Variants in TMEM116 observed in about 807,000 individuals in gnomAD.
TMEM116 encodes the protein transmembrane protein 116.
A neutral mutation model predicts 44.3 loss-of-function variants in TMEM116; 38 were observed. That is an observed-to-expected ratio of 0.86 (90% CI 0.66 to 1.12). TMEM116 has a LOEUF of 1.12. Among genes scored for constraint, TMEM116 ranks in the 50% most tolerant of loss-of-function variants. The pLI, the probability that TMEM116 is intolerant of heterozygous loss-of-function variation, is 0.00. For synonymous variants in TMEM116, 132 were observed against 144.8 expected (o/e 0.91, Z 0.64); for missense variants, 354 against 401.7 (o/e 0.88, Z 1.01).
chr12:111,952,534 G>A (rs150588788), intron 4 of TMEM116, among the ~76,000 whole-genome samples: 80 of 152,292 alleles, frequency 5.3e-4, no homozygotes, highest in African/African-American at 1.9e-3. Flanking sequence ...TTGTTCCTGG[G>A]TGTGTCTGTG....
At chr12:111,982,307 T>C (rs2075986029) in intron 4 of TMEM116, among the ~76,000 whole-genome samples, 1 of 150,412 alleles carries the variant, frequency 6.6e-6, no homozygotes, top group African/African-American at 2.4e-5. Flanking sequence ...TGCATACCTT[T>C]TTTTTTTTTT....
intron 4 of TMEM116, among the ~76,000 whole-genome samples, chr12:111,970,586 GTTT>G (rs200011351): frequency 4.5e-5 from 6 of 133,472 alleles, no homozygotes; most frequent in East Asian, 5.4e-4. Context: ...AATCAAATGG[GTTT>G]TTTTTTTTTT....
intron 4 of TMEM116, among the ~76,000 whole-genome samples, chr12:111,982,720 T>C (rs1244035329): frequency 6.6e-6 from 1 of 152,082 alleles, no homozygotes; most frequent in Non-Finnish European, 1.5e-5. Context: ...GCAGGACACA[T>C]ACTCAGAAAA....
chr12:112,002,564 C>CA (rs11318946), intron 3 of TMEM116, among the ~76,000 whole-genome samples: 68 of 107,310 alleles, frequency 6.3e-4, no homozygotes, highest in Middle Eastern at 5.7e-3. Flanking sequence ...GACTCCATCT[C>CA]AAAAAAAAAA....
At chr12:111,974,824 A>C (rs1779005483) in intron 4 of TMEM116, among the ~76,000 whole-genome samples, 1 of 152,098 alleles carries the variant, frequency 6.6e-6, no homozygotes, top group Non-Finnish European at 1.5e-5. Context: ...AGGATACAAG[A>C]CCAATATATA....
chr12:111,983,217 C>T (rs2076043561), intron 4 of TMEM116, among the ~76,000 whole-genome samples: 1 of 152,132 alleles, frequency 6.6e-6, no homozygotes, highest in African/African-American at 2.4e-5. Context: ...AGGCAGATCA[C>T]CTGGGGTCAG....
At chr12:111,978,240 A>G (rs2075771960) in intron 4 of TMEM116, among the ~76,000 whole-genome samples, 1 of 152,040 alleles carries the variant, frequency 6.6e-6, no homozygotes, top group East Asian at 1.9e-4. Flanking sequence ...TCTCTACTAA[A>G]AATACAAAAA....
chr12:111,955,222 TA>T (rs2073993771), intron 4 of TMEM116, among the ~76,000 whole-genome samples: 1 of 152,206 alleles, frequency 6.6e-6, no homozygotes, highest in Non-Finnish European at 1.5e-5. Context: ...GCTGACTCTT[TA>T]CAGTACCCTC....
intron 3 of TMEM116, among the ~76,000 whole-genome samples, chr12:111,997,023 G>A (rs542889084): frequency 1.3e-5 from 2 of 152,106 alleles, no homozygotes; most frequent in Non-Finnish European, 2.9e-5. Flanking sequence ...CTGGTAAACC[G>A]TACATAAGAG....
intron 1 of TMEM116, chr12:112,012,007 G>T (rs535424000): frequency 6.6e-6 from 1 of 152,140 alleles, no homozygotes; most frequent in Non-Finnish European, 1.5e-5. Context: ...AGACCCTTTC[G>T]AATCCGCCCC....
At chr12:111,965,779 A>G in intron 4 of TMEM116, 1 of 369,662 alleles carries the variant, frequency 2.7e-6, no homozygotes, top group East Asian at 1.0e-4. Flanking sequence ...AAAATACAAA[A>G]ATTAGCCTTA....
chr12:111,960,341 A>T (rs2074481775), intron 4 of TMEM116, among the ~76,000 whole-genome samples: 1 of 151,746 alleles, frequency 6.6e-6, no homozygotes, highest in Admixed American at 6.6e-5. Flanking sequence ...ATACAAAAAA[A>T]ATTAGCTGGG....
At chr12:111,991,717 G>A in intron 4 of TMEM116, 41 bp downstream of exon 4, 2 of 1,521,698 alleles carry the variant, frequency 1.3e-6, no homozygotes, top group Non-Finnish European at 1.8e-6. Flanking sequence ...ATCTGAGTGT[G>A]CCTTTCTTGC....
At chr12:111,991,193 T>TG in intron 4 of TMEM116, among the ~76,000 whole-genome samples, 1 of 115,832 alleles carries the variant, frequency 8.6e-6, no homozygotes, top group South Asian at 3.0e-4. Flanking sequence ...CACTCCAGTC[T>TG]GGCGACAGAG....
chr12:111,967,920 T>C (rs2075075293), intron 4 of TMEM116, among the ~76,000 whole-genome samples: 1 of 152,068 alleles, frequency 6.6e-6, no homozygotes, highest in Non-Finnish European at 1.5e-5. Context: ...AACTGCCCTA[T>C]CTTACCTCCT....
At chr12:111,943,451 A>C in intron 4 of TMEM116, 82 bp from the exon 5 acceptor site, 1 of 989,180 alleles carries the variant, frequency 1.0e-6, no homozygotes, top group South Asian at 1.4e-5. Context: ...ATTATTTTCT[A>C]TTATGAGAAT....
intron 4 of TMEM116, among the ~76,000 whole-genome samples, chr12:111,979,998 C>T (rs1466336389): frequency 6.6e-6 from 1 of 152,128 alleles, no homozygotes; most frequent in Admixed American, 6.6e-5. Flanking sequence ...GCGGGTACAG[C>T]CACTTTGGAA....
At chr12:111,988,743 G>A (rs1042698221) in intron 4 of TMEM116, among the ~76,000 whole-genome samples, 2 of 151,752 alleles carry the variant, frequency 1.3e-5, no homozygotes, top group Admixed American at 1.3e-4. Flanking sequence ...TGAAATCCCA[G>A]CACTTTGGGA....
intron 4 of TMEM116, among the ~76,000 whole-genome samples, chr12:111,948,247 G>A (rs908098242): frequency 5.9e-5 from 9 of 152,140 alleles, no homozygotes; most frequent in East Asian, 3.8e-4. Context: ...GAGGGCTACC[G>A]TGCCCATCCA....
Sources: gnomAD v4.1 joint callset for allele counts (sites outside exome capture counted in the v4.1 genomes callset) on GRCh38, gnomAD v4.1.1 for gene constraint, MANE v1.5 for transcripts, NCBI Gene and HGNC (gene_info 2026-07-23, HGNC 2026-07-21) for gene names.